Variants in ATP2C2 observed in about 807,000 individuals in gnomAD.
ATP2C2 encodes ATPase secretory pathway Ca2+ transporting 2.
ATP2C2 carries 171 observed loss-of-function variants against 110.8 expected under a neutral mutation model. The ratio of observed to expected loss-of-function variants is 1.54; its 90% confidence interval spans 1.36 to 1.75. The LOEUF (loss-of-function observed/expected upper bound fraction) is 1.75, where lower values mean the gene tolerates loss of function less well. Ranked by LOEUF, ATP2C2 falls within the 40% of genes most tolerant of loss-of-function variation. The probability of loss-of-function intolerance (pLI) is 0.00; values close to 1 mark genes in which losing one functional copy is unlikely to be tolerated. For missense variants in ATP2C2, 1,963 were observed against 1,235.0 expected (o/e 1.59, Z -8.84); for synonymous variants, 804 against 508.4 (o/e 1.58, Z -7.82).
rs1910335436 is a variant in ATP2C2 at position 84,452,094 on chromosome 16, A to T, written c.1831+3A>T. On this transcript the variant is annotated splice_donor_region_variant and intron_variant, in intron 18 of 26. Transcript: ENST00000262429. Reference sequence around the variant, plus strand: ...CCTGGAGACGGCCTTGGCCATAGGTAACTGGGACAGGGTCGGGGGTGAGGA... The same window carrying T: ...CCTGGAGACGGCCTTGGCCATAGGTTACTGGGACAGGGTCGGGGGTGAGGA... The T allele has an allele frequency of 6.2e-7, 1 of 1,613,976 alleles. No homozygotes were observed. The highest frequency in any genetic ancestry group is 1.3e-5 in the African/African-American group (1 of 74,992).
intron 11 of ATP2C2, among the ~76,000 whole-genome samples, chr16:84,430,764 C>G (rs912997765): frequency 4.6e-5 from 7 of 152,062 alleles, no homozygotes; most frequent in African/African-American, 1.7e-4. Flanking sequence ...CCTTACACAG[C>G]CCATGGGGTA....
chr16:84,428,609 T>C (rs566374966), intron 11 of ATP2C2, among the ~76,000 whole-genome samples: 2 of 152,062 alleles, frequency 1.3e-5, no homozygotes, highest in Non-Finnish European at 2.9e-5. Context: ...ACAGATGTGA[T>C]AAAAATCCTA....
In ATP2C2 at chr16:84,422,552, A is replaced by C; in HGVS notation, c.774+13A>C. The C allele has an allele frequency of 6.2e-7, 1 of 1,613,048 alleles. No individual in the cohort carries two copies. The highest frequency in any genetic ancestry group is 2.2e-5 in the East Asian group (1 of 44,868). Reference sequence around the variant, plus strand: ...TGGGAGGGGCCAGGTAAGCCCTGGGACACCGAGGCCTTGGGCTCCCGTAAC... The same window carrying C: ...TGGGAGGGGCCAGGTAAGCCCTGGGCCACCGAGGCCTTGGGCTCCCGTAAC... On this transcript the variant is annotated intron_variant, in intron 8 of 26. Coordinates refer to ENST00000262429, the MANE Select transcript of ATP2C2 (RefSeq NM_014861.4).
At chr16:84,405,963 A>G (rs748058632) in intron 3 of ATP2C2, among the ~76,000 whole-genome samples, 3 of 152,212 alleles carry the variant, frequency 2.0e-5, no homozygotes, top group Non-Finnish European at 4.4e-5. Context: ...TAGATAAACA[A>G]GAAGCAATTT....
chr16:84,405,293 G>A (rs1156913975), intron 3 of ATP2C2, 49 bp downstream of exon 3: 1 of 1,484,254 alleles, frequency 6.7e-7, no homozygotes. Context: ...AAGCCAGCGA[G>A]GGTGGGGCAG....
At chr16:84,423,325 G>T (rs575030499) in intron 10 of ATP2C2, 62 bp downstream of exon 10, 12 of 1,489,504 alleles carry the variant, frequency 8.1e-6, no homozygotes, top group African/African-American at 5.5e-5. Flanking sequence ...ATCATAGGGG[G>T]GTTGCCATGG....
At chr16:84,421,508 C>T (rs886595211) in intron 7 of ATP2C2, among the ~76,000 whole-genome samples, 3 of 152,170 alleles carry the variant, frequency 2.0e-5, no homozygotes, top group African/African-American at 7.2e-5. Context: ...GATGGCTTCT[C>T]TCTAGCTTGG....
chr16:84,432,457 A>G (rs1908367373), intron 11 of ATP2C2, among the ~76,000 whole-genome samples: 1 of 151,296 alleles, frequency 6.6e-6, no homozygotes, highest in Non-Finnish European at 1.5e-5. Context: ...CTGGGTGTGG[A>G]TGTCCCCCTC....
intron 2 of ATP2C2, among the ~76,000 whole-genome samples, chr16:84,402,660 T>G (rs997493115): frequency 2.0e-5 from 3 of 152,230 alleles, no homozygotes; most frequent in Non-Finnish European, 4.4e-5. Context: ...TCATGATGAA[T>G]TTTCATTTTA....
intron 1 of ATP2C2, among the ~76,000 whole-genome samples, chr16:84,392,451 G>A (rs1291133342): frequency 6.6e-6 from 1 of 152,066 alleles, no homozygotes; most frequent in East Asian, 1.9e-4. Flanking sequence ...CTCTGCGTCT[G>A]CACGTTTCAT....
At chr16:84,400,575 C>A (rs1440022110) in intron 2 of ATP2C2, among the ~76,000 whole-genome samples, 1 of 152,180 alleles carries the variant, frequency 6.6e-6, no homozygotes, top group Admixed American at 6.5e-5. Context: ...GATCTGCCTG[C>A]CTCAGCCTCC....
intron 2 of ATP2C2, among the ~76,000 whole-genome samples, chr16:84,400,387 C>T (rs886351328): frequency 2.0e-5 from 3 of 148,464 alleles, no homozygotes; most frequent in Non-Finnish European, 4.4e-5. Flanking sequence ...AGTGCGGTGG[C>T]GCGATCTCTG....
intron 7 of ATP2C2, among the ~76,000 whole-genome samples, chr16:84,422,160 C>T (rs2163036): frequency 0.2 from 30,357 of 151,926 alleles, 3,298 homozygotes; most frequent in South Asian, 0.27. Context: ...ATCAAAATTT[C>T]GAACAACATT....
Position 84,459,100 on chromosome 16 carries a change from A to T in ATP2C2, c.2148-20A>T. 2 of 1,613,954 alleles carry T rather than the reference A, an allele frequency of 1.2e-6. No homozygotes were observed. The highest frequency in any genetic ancestry group is 2.2e-5 in the South Asian group (2 of 91,082). On this transcript the variant is annotated intron_variant, in intron 21 of 26. Coordinates refer to ENST00000262429, the MANE Select transcript of ATP2C2 (RefSeq NM_014861.4). Reference sequence around the variant, plus strand: ...TCACGCAGGCCCGCTCCGTGAGTAAATGGCTCTCTTCTCTTGCAGGAATGC... The same window carrying T: ...TCACGCAGGCCCGCTCCGTGAGTAATTGGCTCTCTTCTCTTGCAGGAATGC...
At chr16:84,390,865 G>A (rs748636105) in intron 1 of ATP2C2, among the ~76,000 whole-genome samples, 4 of 152,198 alleles carry the variant, frequency 2.6e-5, no homozygotes, top group Non-Finnish European at 5.9e-5. Context: ...TGTAATCCCA[G>A]TACTTTGGGA....
intron 2 of ATP2C2, among the ~76,000 whole-genome samples, chr16:84,400,708 C>T (rs35452505): frequency 0.38 from 57,576 of 151,788 alleles, 11,922 homozygotes; most frequent in South Asian, 0.6. Flanking sequence ...TACAAGGGTT[C>T]CCTTTTCTTC....
At chr16:84,386,919 T>C (rs920822146) in intron 1 of ATP2C2, among the ~76,000 whole-genome samples, 5 of 133,162 alleles carry the variant, frequency 3.8e-5, no homozygotes, top group Non-Finnish European at 8.4e-5. Flanking sequence ...TGTTTGTTTG[T>C]TTGTTTTGGT....
Position 84,413,351 on chromosome 16 carries a change from G to T in ATP2C2, c.516-2132G>T, listed in dbSNP as rs549831395. 3.3e-5 allele frequency among the ~76,000 whole-genome samples: 5 copies of T among 152,310 alleles called. No individual in the cohort carries two copies. The South Asian group carries it at 1.0e-3, about 32-fold the overall frequency. On this transcript the variant is annotated intron_variant, in intron 6 of 26. Transcript: ENST00000262429. ...CAAAGAGTCAGCATTCAAGGGGCGT[G>T]TGTGTATAATACAAGGCGGAGAATG... is the stretch of plus-strand genomic sequence containing the variant.
intron 11 of ATP2C2, among the ~76,000 whole-genome samples, chr16:84,437,796 G>C (rs978293446): frequency 6.6e-6 from 1 of 152,188 alleles, no homozygotes; most frequent in Non-Finnish European, 1.5e-5. Flanking sequence ...GATTACAGGC[G>C]TGAGCCACCA....
Sources: gnomAD v4.1 joint callset for allele counts (sites outside exome capture counted in the v4.1 genomes callset) on GRCh38, gnomAD v4.1.1 for gene constraint, MANE v1.5 for transcripts, NCBI Gene and HGNC (gene_info 2026-07-23, HGNC 2026-07-21) for gene names.